Variants in SEMA3F observed in about 807,000 individuals in gnomAD.
The protein encoded by SEMA3F is semaphorin 3F, also known as semaphorin-3F.
SEMA3F carries 30 observed loss-of-function variants against 98.5 expected under a neutral mutation model. The ratio of observed to expected loss-of-function variants is 0.30; its 90% CI spans 0.23 to 0.41. SEMA3F has a LOEUF of 0.41. SEMA3F is among the 10% of genes least tolerant of loss of function. SEMA3F has a pLI of 1.00. For missense variants in SEMA3F, 866 were observed against 1,119.3 expected (o/e 0.77, Z 3.23); for synonymous variants, 380 against 444.8 (o/e 0.85, Z 1.83).
rs1699038683 is a variant in SEMA3F, at chr3:50,182,227, T to TG, written c.644-56dup. The TG allele has an allele frequency of 6.2e-7, 1 of 1,613,030 alleles. No homozygotes were observed. The highest frequency in any genetic ancestry group is 1.3e-5 in the African/African-American group (1 of 75,036). On this transcript the variant is annotated intron_variant, in intron 7 of 18. Coordinates refer to ENST00000002829, the MANE Select transcript of SEMA3F (RefSeq NM_004186.5). This position sits in a 1 kb window ranked among gnomAD's most constrained non-coding sequence, Gnocchi z 4.5. The stretch of plus-strand genomic sequence containing the variant: ...GCCCTGCCCTGGAAGTCATCTGAGC[T>TG]GTGCCCTGGCCCTAGCAAACAGCAG...
In SEMA3F at chr3:50,182,340, T is replaced by G; in HGVS notation, c.700T>G (p.Phe234Val). Residue 234 changes from phenylalanine (F) to valine (V), a missense_variant, in exon 8 of 19, where the codon TTC becomes GTC. Phe to Val is a conservative substitution (Grantham distance 50). Around this residue, in one of 3 missense-constraint regions of SEMA3F, gnomAD observed 374 missense variants for 582.8 expected, o/e 0.64. Coordinates refer to ENST00000002829, the MANE Select transcript of SEMA3F (RefSeq NM_004186.5). The surrounding 1 kb of genome is among the most constrained non-coding windows in gnomAD (Gnocchi z 4.5). ...IDFMGTDAAI[F>V]RTLGKQTAMR... ...TTTTATGGGCACTGATGCAGCCATC[T>G]TCCGCACACTTGGAAAGCAGACAGC... 1 of 1,614,152 alleles carries G rather than the reference T, an allele frequency of 6.2e-7. No individual in the cohort carries two copies. Among genetic ancestry groups the G allele is most frequent in the Non-Finnish European group, 8.5e-7 (1 of 1,180,032 alleles).
chr3:50,174,394 C>G (rs149561898), intron 5 of SEMA3F, 44 bp downstream of exon 5: 2 of 1,581,676 alleles, frequency 1.3e-6, no homozygotes, highest in African/African-American at 2.7e-5. Flanking sequence ...CCGCTGGTGG[C>G]TGCATCCCAG....
chr3:50,182,999 G>T lies in SEMA3F; in HGVS notation c.999G>T (p.Glu333Asp). ...VCSVPGEDGIETHFDELQDVF... is the reference protein window; with the variant it reads ...VCSVPGEDGIDTHFDELQDVF... The stretch of plus-strand genomic sequence containing the variant: ...CTGTCCCGGGCGAGGATGGCATTGA[G>T]ACTCACTTTGATGAGCTCCGTGAGT... Residue 333 changes from glutamate to aspartate, a missense_variant, in exon 10 of 19, where the codon GAG becomes GAT. Around this residue, in one of 3 missense-constraint regions of SEMA3F, gnomAD observed 374 missense variants for 582.8 expected, o/e 0.64. Coordinates refer to ENST00000002829, the MANE Select transcript of SEMA3F (RefSeq NM_004186.5). The surrounding 1 kb of genome is among the most constrained non-coding windows in gnomAD (Gnocchi z 4.5). The T allele has an allele frequency of 6.2e-7, 1 of 1,613,822 alleles. No homozygotes were observed. The highest frequency in any genetic ancestry group is 8.5e-7 in the Non-Finnish European group (1 of 1,179,952).
intron 5 of SEMA3F, among the ~76,000 whole-genome samples, 186 bp downstream of exon 5, chr3:50,174,536 C>G (rs1279191088): frequency 1.3e-5 from 2 of 152,274 alleles, no homozygotes; most frequent in Non-Finnish European, 2.9e-5. Flanking sequence ...CGCTGCCTTT[C>G]TCACAGGTCG....
At chr3:50,160,735 G>A (rs552918762) in intron 2 of SEMA3F, among the ~76,000 whole-genome samples, 8 of 152,352 alleles carry the variant, frequency 5.3e-5, no homozygotes, top group African/African-American at 1.7e-4. Context: ...AGGCTGGGGT[G>A]ACCTTTCCTT....
intron 12 of SEMA3F, chr3:50,184,272 C>A: frequency 2.4e-6 from 1 of 411,728 alleles, no homozygotes. Context: ...CGGGTGAGAC[C>A]CTAGGAACAA....
chr3:50,165,570 G>A (rs1252970401), intron 2 of SEMA3F, among the ~76,000 whole-genome samples: 2 of 152,214 alleles, frequency 1.3e-5, no homozygotes, highest in Non-Finnish European at 2.9e-5. Context: ...TGGGCAGAAA[G>A]CATGTTTGCC....
rs1010451260 is a variant in SEMA3F, at chr3:50,159,620, A to G, written c.-3A>G. On this transcript the variant is annotated 5_prime_UTR_variant, in exon 2 of 19. Coordinates refer to ENST00000002829, the MANE Select transcript of SEMA3F (RefSeq NM_004186.5). Reference sequence around the variant, plus strand: ...GCTTCCTGGGCCCTAGGCCCCTCCCACAATGCTTGTCGCCGGTCTTCTTCT... The same window carrying G: ...GCTTCCTGGGCCCTAGGCCCCTCCCGCAATGCTTGTCGCCGGTCTTCTTCT... The G allele has an allele frequency of 2.5e-6, 4 of 1,597,408 alleles. No individual in the cohort carries two copies. The highest frequency in any genetic ancestry group is 3.4e-6 in the Non-Finnish European group (4 of 1,168,370).
intron 16 of SEMA3F, 56 bp from the exon 17 acceptor site, chr3:50,186,225 G>C: frequency 6.3e-7 from 1 of 1,577,770 alleles, no homozygotes; most frequent in Non-Finnish European, 8.7e-7. Flanking sequence ...GGAGATACAG[G>C]GACCTGGGGG....
At chr3:50,186,106 A>T (rs1010730446) in intron 16 of SEMA3F, 60 bp downstream of exon 16, 1 of 1,539,130 alleles carries the variant, frequency 6.5e-7, no homozygotes, top group Non-Finnish European at 8.9e-7. Context: ...ATCCTAGGGG[A>T]TTGGGGGTGC....
chr3:50,185,723 G>A lies in SEMA3F; in HGVS notation c.1587+16G>A. Reference sequence around the variant, plus strand: ...TTCTAAGAGGGTAAGCCTTTGGCGAGGTGAGCCAAGGTTGGGGACAGGGCC... The same window carrying A: ...TTCTAAGAGGGTAAGCCTTTGGCGAAGTGAGCCAAGGTTGGGGACAGGGCC... On this transcript the variant is annotated intron_variant, in intron 15 of 18. Coordinates refer to ENST00000002829, the MANE Select transcript of SEMA3F (RefSeq NM_004186.5). The A allele has an allele frequency of 6.2e-7, 1 of 1,614,132 alleles. No homozygotes were observed. Among genetic ancestry groups the A allele is most frequent in the Non-Finnish European group, 8.5e-7 (1 of 1,179,962 alleles).
chr3:50,162,665 G>A (rs1425465387), intron 2 of SEMA3F, among the ~76,000 whole-genome samples: 1 of 152,220 alleles, frequency 6.6e-6, no homozygotes, highest in Non-Finnish European at 1.5e-5. Flanking sequence ...GGAGGTGTGA[G>A]GGCCCTGCCA....
At position 50,182,739 on chromosome 3, in the gene SEMA3F, C is replaced by T; in HGVS notation, c.859C>T (p.Pro287Ser). 1 of 1,613,328 alleles carries T rather than the reference C, an allele frequency of 6.2e-7. No individual in the cohort carries two copies. The highest frequency in any genetic ancestry group is 1.1e-5 in the South Asian group (1 of 91,084). Residue 287 changes from proline to serine, a missense_variant, in exon 9 of 19, where the codon CCG (proline) becomes TCG (serine). Coordinates refer to ENST00000002829, the MANE Select transcript of SEMA3F (RefSeq NM_004186.5). The surrounding 1 kb of genome is among the most constrained non-coding windows in gnomAD (Gnocchi z 4.5). Reference sequence around the variant, plus strand: ...CTTCCGTGAGCGGTCGGCAGAGGCGCCGCAGAGCCCCGCGGTGTACGCCCG... The same window carrying T: ...CTTCCGTGAGCGGTCGGCAGAGGCGTCGCAGAGCCCCGCGGTGTACGCCCG... ...FFFRERSAEA[P>S]QSPAVYARIG...
chr3:50,181,290 CT>C (rs915340625), intron 7 of SEMA3F, among the ~76,000 whole-genome samples: 4 of 151,482 alleles, frequency 2.6e-5, no homozygotes, highest in Non-Finnish European at 4.4e-5. Context: ...TAGCTATGCT[CT>C]TTTTTTGTTT....
chr3:50,180,591 G>C (rs1698978562), intron 7 of SEMA3F, among the ~76,000 whole-genome samples: 1 of 152,198 alleles, frequency 6.6e-6, no homozygotes, highest in African/African-American at 2.4e-5. Flanking sequence ...GGCCCAAGAA[G>C]AGGGAGAGAG....
rs1698720724 is a variant in SEMA3F, at chr3:50,174,256, T to C, written c.362T>C (p.Leu121Pro). The C allele has an allele frequency of 6.2e-7, 1 of 1,613,618 alleles. No homozygotes were observed. Among genetic ancestry groups the C allele is most frequent in the Non-Finnish European group, 8.5e-7 (1 of 1,179,988 alleles). The part of the protein sequence containing the change: ...VNGECGNFVR[L>P]IQPWNRTHLY... Reference sequence around the variant, plus strand: ...GGCGAGTGTGGGAACTTCGTCAGGCTCATCCAGCCCTGGAACCGAACACAC... The same window carrying C: ...GGCGAGTGTGGGAACTTCGTCAGGCCCATCCAGCCCTGGAACCGAACACAC... The change falls in exon 5 of 19, where the codon CTC becomes CCC. Residue 121 changes from leucine to proline, a missense_variant. Physicochemically the swap from Leu to Pro is moderately conservative, Grantham distance 98. Transcript: ENST00000002829.
At chr3:50,185,764 T>C in intron 15 of SEMA3F, 57 bp downstream of exon 15, 1 of 1,609,122 alleles carries the variant, frequency 6.2e-7, no homozygotes, top group Non-Finnish European at 8.5e-7. Context: ...CCCCTCAGGG[T>C]CATGCCCTTG....
In SEMA3F at chr3:50,183,414, C is replaced by T. The variant is rs951931363; in HGVS notation, c.1089-6C>T. The T allele has an allele frequency of 3.1e-6, 5 of 1,613,780 alleles. No individual in the cohort carries two copies. The African/African-American group carries it at 5.3e-5, about 17-fold the overall frequency. On this transcript the variant is annotated splice_region_variant and splice_polypyrimidine_tract_variant and intron_variant, in intron 11 of 18. Transcript: ENST00000002829. ...TCCTGCTCAGCAGCGCCTGCCATGC[C>T]CACAGCTCCGTGTTCCGAGGCTCTG...
intron 7 of SEMA3F, among the ~76,000 whole-genome samples, chr3:50,181,489 T>A (rs961199288): frequency 6.6e-6 from 1 of 151,556 alleles, no homozygotes; most frequent in Non-Finnish European, 1.5e-5. Flanking sequence ...GCTCAGCTAA[T>A]TTTTTTGTAT....
Sources: gnomAD v4.1 joint callset for allele counts (sites outside exome capture counted in the v4.1 genomes callset) on GRCh38, gnomAD v4.1.1 for gene constraint, gnomAD v4.1.1 regional missense constraint, Gnocchi (gnomAD v3.1) non-coding constraint, MANE v1.5 for transcripts, NCBI Gene and HGNC (gene_info 2026-07-23, HGNC 2026-07-21) for gene names.